Variants in MAP2K6 observed in about 807,000 individuals in gnomAD.
The protein encoded by MAP2K6 is mitogen-activated protein kinase kinase 6, also known as dual specificity mitogen-activated protein kinase kinase 6.
In MAP2K6, 16 loss-of-function variants were observed where a neutral mutation model predicts 53.7. The observed-to-expected ratio is 0.30, with a 90% confidence interval of 0.20 to 0.45. The LOEUF (loss-of-function observed/expected upper bound fraction) is 0.45, where lower values mean the gene tolerates loss of function less well. Ranked by LOEUF, MAP2K6 falls within the 20% of genes least tolerant of loss-of-function variation. MAP2K6 has a pLI of 1.00. For synonymous variants in MAP2K6, 132 were observed against 143.1 expected, an observed-to-expected ratio of 0.92 and a Z score of 0.55; for missense variants, 204 against 411.9, an observed-to-expected ratio of 0.50 and a Z score of 4.37.
At chr17:69,461,630 C>T (rs1907624733) in intron 1 of MAP2K6, among the ~76,000 whole-genome samples, 1 of 152,068 alleles carries the variant, frequency 6.6e-6, no homozygotes, top group Admixed American at 6.6e-5. Context: ...AGCTGTGGGG[C>T]TCCACTTTTT....
chr17:69,534,669 C>T (rs1013194927), intron 10 of MAP2K6, among the ~76,000 whole-genome samples: 19 of 152,014 alleles, frequency 1.2e-4, no homozygotes, highest in African/African-American at 4.3e-4. Flanking sequence ...TGCTTAGCTT[C>T]GGAGGGTGAG....
rs147145661 is a variant in MAP2K6 at position 69,465,441 on chromosome 17, A to G, written c.17-40339A>G. Among the ~76,000 whole-genome samples, 470 of 152,032 alleles carry G rather than the reference A, an allele frequency of 3.1e-3. 2 individuals are homozygous for G. The highest frequency in any genetic ancestry group is 0.01 in the African/African-American group (434 of 41,446). On this transcript the variant is annotated intron_variant, in intron 1 of 11. Transcript: ENST00000590474. Reference sequence around the variant, plus strand: ...TTCTTCCTTTTGCTTTAAGATTCCCAGTGTATGTGTATTCAATCAGCAAAT... The same window carrying G: ...TTCTTCCTTTTGCTTTAAGATTCCCGGTGTATGTGTATTCAATCAGCAAAT...
intron 1 of MAP2K6, among the ~76,000 whole-genome samples, chr17:69,468,826 A>G (rs777132120): frequency 6.6e-6 from 1 of 152,186 alleles, no homozygotes; most frequent in Non-Finnish European, 1.5e-5. Context: ...AAACAAAACA[A>G]AAGAAAACAG....
rs1912003222 is a variant in MAP2K6 at position 69,549,351 on chromosome 17, G to A, written c.*7598G>A. 6.6e-6 allele frequency: 1 copy of A among 152,136 alleles called. No individual in the cohort carries two copies. Among genetic ancestry groups the A allele is most frequent in the African/African-American group, 2.4e-5 (1 of 41,420 alleles). The allele number at this position is 152,136 out of a possible 1,614,324, so 9.4% of individuals were successfully genotyped here. A position where few individuals can be genotyped will look rare whatever the true frequency, so the allele number is the denominator to read the frequency against. Reference sequence around the variant, plus strand: ...TCAGGGAGCGTATTGGCAAGTTTAGGCACTTACTTGTGTCTTAATGTGGGA... The same window carrying A: ...TCAGGGAGCGTATTGGCAAGTTTAGACACTTACTTGTGTCTTAATGTGGGA... On this transcript the variant is annotated 3_prime_UTR_variant, in exon 12 of 12. Coordinates refer to ENST00000590474, the MANE Select transcript of MAP2K6 (RefSeq NM_002758.4).
chr17:69,536,772 G>T (rs909391463), intron 11 of MAP2K6, among the ~76,000 whole-genome samples: 4 of 152,146 alleles, frequency 2.6e-5, no homozygotes, highest in Non-Finnish European at 5.9e-5. Context: ...TTAAAATAAC[G>T]TTTCTTAAAT....
At chr17:69,513,754 C>T (rs953338775) in intron 2 of MAP2K6, among the ~76,000 whole-genome samples, 1 of 151,986 alleles carries the variant, frequency 6.6e-6, no homozygotes, top group Non-Finnish European at 1.5e-5. Flanking sequence ...ACTCATTTTT[C>T]GATAACCTCA....
At chr17:69,507,330 CTTTGTGTG>C (rs1909554702) in intron 2 of MAP2K6, among the ~76,000 whole-genome samples, 1 of 145,182 alleles carries the variant, frequency 6.9e-6, no homozygotes, top group Non-Finnish European at 1.5e-5. Context: ...GCAAGTATTC[CTTTGTGTG>C]TGTGTGTGTG....
At chr17:69,449,527 C>CTT (rs1393869671) in intron 1 of MAP2K6, among the ~76,000 whole-genome samples, 2 of 109,024 alleles carry the variant, frequency 1.8e-5, no homozygotes, top group Non-Finnish European at 3.8e-5. Flanking sequence ...GTCTTTCTTT[C>CTT]TTTGTCTTTC....
intron 1 of MAP2K6, among the ~76,000 whole-genome samples, chr17:69,427,896 A>G (rs1335704168): frequency 6.6e-6 from 1 of 152,150 alleles, no homozygotes. Flanking sequence ...AGAAATTTTG[A>G]TATATTCAGT....
chr17:69,431,969 A>G (rs1906475778), intron 1 of MAP2K6, among the ~76,000 whole-genome samples: 2 of 152,226 alleles, frequency 1.3e-5, no homozygotes, highest in Admixed American at 6.5e-5. Flanking sequence ...GATCTGAGTC[A>G]GGTGTTCACC....
rs1026496730 is a variant in MAP2K6, at chr17:69,553,148, A to G, written c.*11395A>G. The stretch of plus-strand genomic sequence containing the variant: ...GGACAAGACTGGATGATTGACTTCT[A>G]TCAGTCAGTAGACAAGGAAGTATAA... On this transcript the variant is annotated 3_prime_UTR_variant, in exon 12 of 12. Transcript: ENST00000590474. 1 of 152,226 alleles carries G rather than the reference A, an allele frequency of 6.6e-6. No homozygotes were observed. Among genetic ancestry groups the G allele is most frequent in the African/African-American group, 2.4e-5 (1 of 41,468 alleles). The allele number at this position is 152,226 out of a possible 1,614,324, so 9.4% of individuals were successfully genotyped here. A position where few individuals can be genotyped will look rare whatever the true frequency, so the allele number is the denominator to read the frequency against.
intron 1 of MAP2K6, among the ~76,000 whole-genome samples, chr17:69,457,579 C>T (rs1372849600): frequency 6.6e-6 from 1 of 152,148 alleles, no homozygotes; most frequent in Non-Finnish European, 1.5e-5. Context: ...GTGGCTCACA[C>T]CTGTAATCCC....
chr17:69,514,748 G>A (rs1910050540), intron 2 of MAP2K6, among the ~76,000 whole-genome samples: 1 of 152,086 alleles, frequency 6.6e-6, no homozygotes, highest in Admixed American at 6.6e-5. Flanking sequence ...TTTTAGTAGA[G>A]ATGAGGTTTC....
At chr17:69,421,986 C>G (rs1906098124) in intron 1 of MAP2K6, among the ~76,000 whole-genome samples, 1 of 152,086 alleles carries the variant, frequency 6.6e-6, no homozygotes, top group Non-Finnish European at 1.5e-5. Context: ...GGCTTGTACC[C>G]CACTCTGTCT....
chr17:69,550,183 G>C lies in MAP2K6; in HGVS notation c.*8430G>C, dbSNP rs1205204759. 6.6e-6 allele frequency: 1 copy of C among 152,148 alleles called. No individual in the cohort carries two copies. Among genetic ancestry groups the C allele is most frequent in the Non-Finnish European group, 1.5e-5 (1 of 68,022 alleles). The allele number at this position is 152,148 out of a possible 1,614,324, so 9.4% of individuals were successfully genotyped here. Reference sequence around the variant, plus strand: ...TCCCTAGTGTTATTGATTTGAAAGAGTTACCTTTTCAGACAGATGGCTGAA... The same window carrying C: ...TCCCTAGTGTTATTGATTTGAAAGACTTACCTTTTCAGACAGATGGCTGAA... On this transcript the variant is annotated 3_prime_UTR_variant, in exon 12 of 12. Transcript: ENST00000590474.
At chr17:69,508,041 GTTTTTT>G (rs71144698) in intron 2 of MAP2K6, among the ~76,000 whole-genome samples, 50 of 44,896 alleles carry the variant, frequency 1.1e-3, no homozygotes, top group African/African-American at 3.8e-3. Flanking sequence ...TATATATGTA[GTTTTTT>G]TTTTTTTTTT....
chr17:69,468,174 A>G (rs370025669), intron 1 of MAP2K6, among the ~76,000 whole-genome samples: 2 of 152,160 alleles, frequency 1.3e-5, no homozygotes, highest in Admixed American at 6.5e-5. Flanking sequence ...CTCAGTTGTT[A>G]CCTGCTATTT....
intron 1 of MAP2K6, among the ~76,000 whole-genome samples, chr17:69,471,964 G>T (rs983047654): frequency 3.9e-5 from 6 of 152,098 alleles, no homozygotes; most frequent in African/African-American, 1.2e-4. Flanking sequence ...CATCTTCCCC[G>T]CGGGGATGTC....
At chr17:69,419,219 A>G (rs1414717180) in intron 1 of MAP2K6, among the ~76,000 whole-genome samples, 1 of 152,190 alleles carries the variant, frequency 6.6e-6, no homozygotes, top group African/African-American at 2.4e-5. Flanking sequence ...ACAGCTATAC[A>G]CAGTACTGTA....
Sources: gnomAD v4.1 joint callset for allele counts (sites outside exome capture counted in the v4.1 genomes callset) on GRCh38, gnomAD v4.1.1 for gene constraint, MANE v1.5 for transcripts, NCBI Gene and HGNC (gene_info 2026-07-23, HGNC 2026-07-21) for gene names.